SYN3: variants seen among roughly 807,000 people sequenced by gnomAD.
SYN3 encodes the protein synapsin III.
Under a neutral mutation model 65.8 loss-of-function variants are expected in SYN3, and 35 were observed. The ratio of observed to expected loss-of-function variants is 0.53; its 90% CI spans 0.41 to 0.70. The LOEUF (loss-of-function observed/expected upper bound fraction) is 0.70. Ranked by LOEUF, SYN3 falls within the 30% of genes least tolerant of loss-of-function variation. SYN3 has a pLI of 0.00. For synonymous variants in SYN3, 270 were observed against 292.9 expected (o/e 0.92, Z 0.80); for missense variants, 680 against 749.0 (o/e 0.91, Z 1.08).
At chr22:32,807,353 A>AT (rs2046775297) in intron 6 of SYN3, among the ~76,000 whole-genome samples, 1 of 1,170 alleles carries the variant, frequency 8.5e-4, no homozygotes, top group Non-Finnish European at 1.7e-3. Flanking sequence ...ATATAAATAT[A>AT]TAATATATAA....
intron 6 of SYN3, among the ~76,000 whole-genome samples, chr22:32,756,509 C>T (rs1157215015): frequency 2.0e-5 from 3 of 152,102 alleles, no homozygotes; most frequent in South Asian, 2.1e-4. Context: ...CTATACATGC[C>T]GACTGATATA....
chr22:32,596,861 T>A, intron 6 of SYN3, 125 bp from the exon 7 acceptor site: 1 of 964,224 alleles, frequency 1.0e-6, no homozygotes, highest in Non-Finnish European at 1.6e-6. Flanking sequence ...CAAGAATGCT[T>A]CGACAGATGG....
intron 7 of SYN3, among the ~76,000 whole-genome samples, chr22:32,588,640 G>C (rs2059085049): frequency 6.6e-6 from 1 of 152,166 alleles, no homozygotes; most frequent in South Asian, 2.1e-4. Context: ...CCCTGTGTTA[G>C]AGATGAGGAA....
chr22:32,859,362 T>C, intron 6 of SYN3: 2 of 1,611,420 alleles, frequency 1.2e-6, no homozygotes, highest in Non-Finnish European at 1.7e-6. Flanking sequence ...GCATCATCAA[T>C]GCCACAGACC....
intron 7 of SYN3, among the ~76,000 whole-genome samples, chr22:32,585,849 C>G (rs1447820286): frequency 6.6e-6 from 1 of 151,032 alleles, no homozygotes; most frequent in Non-Finnish European, 1.5e-5. Flanking sequence ...GCATGTGTGT[C>G]TTTTATATGT....
chr22:32,582,518 T>TTTTA (rs1223380834), intron 7 of SYN3, among the ~76,000 whole-genome samples: 8 of 151,802 alleles, frequency 5.3e-5, no homozygotes, highest in Non-Finnish European at 7.4e-5. Flanking sequence ...ACCAGCTAAT[T>TTTTA]TTTATTTATT....
chr22:32,530,578 A>ATTT (rs575048512), intron 10 of SYN3, among the ~76,000 whole-genome samples: 2 of 126,646 alleles, frequency 1.6e-5, no homozygotes, highest in East Asian at 2.3e-4. Context: ...CTACGGGCCT[A>ATTT]TTTTTTTTTT....
At chr22:33,021,622 C>T (rs12159195) in intron 1 of SYN3, among the ~76,000 whole-genome samples, 39,676 of 152,078 alleles carry the variant, frequency 0.26, 5,852 homozygotes, top group African/African-American at 0.4. Flanking sequence ...TCTCTGTCTA[C>T]AGACACATGC....
intron 4 of SYN3, among the ~76,000 whole-genome samples, chr22:32,905,690 A>G (rs2049883644): frequency 6.6e-6 from 1 of 152,218 alleles, no homozygotes; most frequent in Non-Finnish European, 1.5e-5. Context: ...TAAGTACCAG[A>G]GCCACAGGGT....
intron 7 of SYN3, among the ~76,000 whole-genome samples, chr22:32,557,257 G>A (rs947222537): frequency 3.9e-5 from 6 of 151,990 alleles, no homozygotes. Context: ...TCTATAGAGG[G>A]TGACCAACAC....
intron 6 of SYN3, among the ~76,000 whole-genome samples, chr22:32,671,643 ACACAGATG>A (rs2060368280): frequency 2.3e-5 from 2 of 87,878 alleles, no homozygotes; most frequent in East Asian, 8.5e-4. Context: ...AGACGCTCTC[ACACAGATG>A]CACACACGCT....
intron 1 of SYN3, among the ~76,000 whole-genome samples, chr22:33,025,751 A>G (rs1042458837): frequency 6.6e-6 from 1 of 152,050 alleles, no homozygotes; most frequent in Non-Finnish European, 1.5e-5. Context: ...ATTAGCCACA[A>G]TTCTTCATCA....
chr22:32,793,049 T>C (rs1038184276), intron 6 of SYN3, among the ~76,000 whole-genome samples: 1 of 152,222 alleles, frequency 6.6e-6, no homozygotes, highest in African/African-American at 2.4e-5. Flanking sequence ...TTGTGAGGAT[T>C]AGTGGGACTA....
intron 7 of SYN3, among the ~76,000 whole-genome samples, chr22:32,573,317 G>T (rs577510836): frequency 6.6e-6 from 1 of 152,310 alleles, no homozygotes; most frequent in African/African-American, 2.4e-5. Flanking sequence ...ACACACATGA[G>T]CTGCCTGGGT....
chr22:32,575,895 A>C (rs2058844003), intron 7 of SYN3, among the ~76,000 whole-genome samples: 1 of 146,320 alleles, frequency 6.8e-6, no homozygotes, highest in Non-Finnish European at 1.5e-5. Flanking sequence ...AAAACAAACA[A>C]AAAAAAACAA....
At chr22:32,825,248 A>G (rs1028611784) in intron 6 of SYN3, among the ~76,000 whole-genome samples, 2 of 152,212 alleles carry the variant, frequency 1.3e-5, no homozygotes, top group Admixed American at 6.5e-5. Flanking sequence ...CAGGGTGGCC[A>G]GCTGATGGCT....
At position 32,823,113 on chromosome 22, in the gene SYN3, A is replaced by G. The variant is rs151320914; in HGVS notation, c.711+41802T>C. Reference sequence around the variant, plus strand: ...CATTGACACATCATTTGATAATCAGATAAAAGAACAATGGTGGGAAAGCAA... The same window carrying G: ...CATTGACACATCATTTGATAATCAGGTAAAAGAACAATGGTGGGAAAGCAA... On this transcript the variant is annotated intron_variant, in intron 6 of 13. Transcript: ENST00000358763. 5.6e-4 allele frequency among the ~76,000 whole-genome samples: 86 copies of G among 152,322 alleles called. No individual in the cohort carries two copies. In the South Asian group the frequency reaches 9.1e-3, roughly 16 times the overall value.
intron 2 of SYN3, among the ~76,000 whole-genome samples, chr22:32,994,647 C>A (rs1401145817): frequency 6.6e-6 from 1 of 152,162 alleles, no homozygotes; most frequent in African/African-American, 2.4e-5. Flanking sequence ...AGCCTCTCAA[C>A]CAACTCTAGG....
At position 32,715,906 on chromosome 22, in the gene SYN3, G is replaced by T. The variant is rs540646448; in HGVS notation, c.712-119170C>A. ...TGATTGGTGAACAACAGCTGTGCTGGAACCAAGTACTCCACGGAGGCTTTG... is the reference window on the plus strand; with the variant it reads ...TGATTGGTGAACAACAGCTGTGCTGTAACCAAGTACTCCACGGAGGCTTTG... On this transcript the variant is annotated intron_variant, in intron 6 of 13. Coordinates refer to ENST00000358763, the MANE Select transcript of SYN3 (RefSeq NM_003490.4). Among the ~76,000 whole-genome samples the T allele has an allele frequency of 1.3e-3, 198 of 152,268 alleles. 2 individuals carry two copies. The highest frequency in any genetic ancestry group is 3.9e-3 in the African/African-American group (162 of 41,548).
Sources: gnomAD v4.1 joint callset for allele counts (sites outside exome capture counted in the v4.1 genomes callset) on GRCh38, gnomAD v4.1.1 for gene constraint, MANE v1.5 for transcripts, NCBI Gene and HGNC (gene_info 2026-07-23, HGNC 2026-07-21) for gene names.